The following ESR1 variants were observed in gnomAD, a reference collection of about 807,000 sequenced individuals.
ESR1 encodes the protein estrogen receptor 1.
ESR1 carries 12 observed loss-of-function variants against 52.7 expected under a neutral mutation model. The observed-to-expected ratio is 0.23, with a 90% confidence interval of 0.15 to 0.37. The LOEUF is 0.37. Ranked by LOEUF, ESR1 falls within the 10% of genes least tolerant of loss-of-function variation. The pLI, the probability that ESR1 is intolerant of heterozygous loss-of-function variation, is 1.00. For missense variants in ESR1, 584 were observed against 779.7 expected (o/e 0.75, Z 2.99); for synonymous variants, 305 against 316.8 (o/e 0.96, Z 0.39).
chr6:151,807,699 C>G lies in ESR1; in HGVS notation c.-214C>G. 3.3e-6 allele frequency: 2 copies of G among 614,060 alleles called. No homozygotes were observed. The highest frequency in any genetic ancestry group is 5.8e-6 in the Non-Finnish European group (2 of 344,798). The allele number at this position is 614,060 out of a possible 1,614,324, so 38.0% of individuals were successfully genotyped here. On this transcript the variant is annotated 5_prime_UTR_variant, in exon 1 of 8. Coordinates refer to ENST00000206249, the MANE Select transcript of ESR1 (RefSeq NM_000125.4). ...AGCCCAGGAGCTGGCGGAGGGCGTT[C>G]GTCCTGGGACTGCACTTGCTCCCGT...
intron 2 of ESR1, among the ~76,000 whole-genome samples, chr6:151,875,580 A>G (rs1791668556): frequency 6.6e-6 from 1 of 152,136 alleles, no homozygotes; most frequent in Non-Finnish European, 1.5e-5. Context: ...GTTAAAACCC[A>G]ACATAGTAAG....
chr6:151,909,397 ACCTTAGG>A (rs1346978754), intron 3 of ESR1, among the ~76,000 whole-genome samples: 2 of 152,206 alleles, frequency 1.3e-5, no homozygotes, highest in Admixed American at 1.3e-4. Flanking sequence ...ACTCTAGAGC[ACCTTAGG>A]CCACAGGACA....
chr6:152,069,393 A>C lies in ESR1; in HGVS notation c.1369+8269A>C, dbSNP rs1452423839. The stretch of plus-strand genomic sequence containing the variant: ...ATGCAGGATCTGAAAAATATCTCAA[A>C]ATGGCAAACTTGAGGGGTTTTTTTT... On this transcript the variant is annotated intron_variant, in intron 6 of 7. Coordinates refer to ENST00000206249, the MANE Select transcript of ESR1 (RefSeq NM_000125.4). Among the ~76,000 whole-genome samples the C allele has an allele frequency of 4.4e-5, 6 of 136,376 alleles. 1 individual carries two copies. The highest frequency in any genetic ancestry group is 9.0e-5 in the Non-Finnish European group (6 of 66,544). 89.5% of individuals were successfully genotyped at this position (136,376 alleles called of 152,430 possible). A position where few individuals can be genotyped will look rare whatever the true frequency, so the allele number is the denominator to read the frequency against.
At chr6:152,091,775 CAT>C (rs1482586369) in intron 6 of ESR1, among the ~76,000 whole-genome samples, 1 of 152,186 alleles carries the variant, frequency 6.6e-6, no homozygotes, top group Admixed American at 6.5e-5. Context: ...GAGAGGCACA[CAT>C]GTCACCTTTC....
intron 2 of ESR1, among the ~76,000 whole-genome samples, chr6:151,788,886 A>G (rs1298380403): frequency 1.3e-5 from 2 of 152,186 alleles, no homozygotes; most frequent in Admixed American, 6.5e-5. Context: ...CTCACTTGTA[A>G]GTGGGAGCTA....
chr6:152,045,720 G>T (rs1584984744), intron 5 of ESR1, among the ~76,000 whole-genome samples: 1 of 151,560 alleles, frequency 6.6e-6, no homozygotes, highest in South Asian at 2.1e-4. Flanking sequence ...TATTACTATT[G>T]TTAGTGTTGG....
upstream of ESR1, among the ~76,000 whole-genome samples, chr6:151,687,454 G>A (rs1778734599): frequency 6.6e-6 from 1 of 152,156 alleles, no homozygotes; most frequent in African/African-American, 2.4e-5. Flanking sequence ...GTGCCCAGTG[G>A]GAACATCTTT....
At chr6:151,908,913 A>G (rs1327366282) in intron 3 of ESR1, among the ~76,000 whole-genome samples, 1 of 151,554 alleles carries the variant, frequency 6.6e-6, no homozygotes, top group Admixed American at 6.6e-5. Context: ...TCCCACTGCC[A>G]TCAGGTTTTG....
At chr6:152,054,114 G>C (rs1038492365) in intron 5 of ESR1, among the ~76,000 whole-genome samples, 21 of 151,924 alleles carry the variant, frequency 1.4e-4, no homozygotes, top group Admixed American at 1.3e-3. Flanking sequence ...ATTTAGCGCT[G>C]TCCCTCTCTC....
intron 4 of ESR1, among the ~76,000 whole-genome samples, chr6:151,979,431 T>C (rs1286199590): frequency 6.6e-6 from 1 of 152,216 alleles, no homozygotes; most frequent in Non-Finnish European, 1.5e-5. Context: ...TCCTTTATTA[T>C]TTTATTGATG....
intron 5 of ESR1, among the ~76,000 whole-genome samples, chr6:152,044,977 T>G (rs1258706424): frequency 6.6e-6 from 1 of 152,222 alleles, no homozygotes; most frequent in African/African-American, 2.4e-5. Flanking sequence ...TCATTGCTGT[T>G]ATCTGAGAGT....
downstream of ESR1, among the ~76,000 whole-genome samples, chr6:152,103,794 C>A (rs899894518): frequency 2.0e-5 from 3 of 152,042 alleles, no homozygotes; most frequent in Non-Finnish European, 2.9e-5. Context: ...ACAATTGGTC[C>A]ACCCCCACCC....
In ESR1 at chr6:151,726,714, A is replaced by G. The variant is rs565032668; in HGVS notation, c.-71+24709A>G. ...ATAGATTTTTGCATATTGTCCATGTATCTGCCAAACTTGCTAATTTAACTT... is the reference window on the plus strand; with the variant it reads ...ATAGATTTTTGCATATTGTCCATGTGTCTGCCAAACTTGCTAATTTAACTT... On this transcript the variant is annotated intron_variant, in intron 2 of 2. Coordinates refer to the ESR1 transcript ENST00000404742. Among the ~76,000 whole-genome samples the G allele has an allele frequency of 1.1e-4, 17 of 152,342 alleles. No individual in the cohort carries two copies. In the South Asian group the frequency reaches 3.3e-3, roughly 30 times the overall value.
chr6:151,979,619 C>A (rs1370369443), intron 4 of ESR1, among the ~76,000 whole-genome samples: 1 of 152,058 alleles, frequency 6.6e-6, no homozygotes, highest in Non-Finnish European at 1.5e-5. Flanking sequence ...GAGTGTGGAA[C>A]CTGCTTTAAT....
chr6:151,746,529 G>A (rs147276583), intron 2 of ESR1, among the ~76,000 whole-genome samples: 22 of 152,258 alleles, frequency 1.4e-4, no homozygotes, highest in Non-Finnish European at 2.6e-4. Context: ...ACAGGGAAAA[G>A]GCATCAATCA....
intron 2 of ESR1, among the ~76,000 whole-genome samples, chr6:151,855,775 G>A (rs1266839191): frequency 6.6e-6 from 1 of 152,144 alleles, no homozygotes; most frequent in African/African-American, 2.4e-5. Context: ...AATGGTATGA[G>A]TTCAGAGGCA....
At chr6:152,003,587 AGTAGT>A (rs1172959595) in intron 4 of ESR1, among the ~76,000 whole-genome samples, 1 of 151,918 alleles carries the variant, frequency 6.6e-6, no homozygotes, top group Non-Finnish European at 1.5e-5. Flanking sequence ...GAAGTTTGTA[AGTAGT>A]GTCATCATTC....
At chr6:151,925,071 C>A (rs1157910825) in intron 3 of ESR1, among the ~76,000 whole-genome samples, 1 of 152,024 alleles carries the variant, frequency 6.6e-6, no homozygotes, top group African/African-American at 2.4e-5. Context: ...ATTTACACTC[C>A]CACCAGCAGT....
In ESR1 at chr6:151,742,111, T is replaced by G. The variant is rs117812006; in HGVS notation, c.-71+40106T>G. Among the ~76,000 whole-genome samples, 1,183 of 152,316 alleles carry G rather than the reference T, an allele frequency of 7.8e-3. 12 individuals carry two copies. Among genetic ancestry groups the G allele is most frequent in the Admixed American group, 0.013 (200 of 15,286 alleles). On this transcript the variant is annotated intron_variant, in intron 2 of 2. Coordinates refer to the ESR1 transcript ENST00000404742. The stretch of plus-strand genomic sequence containing the variant: ...CCATGTTGTGGCAAATGGCAAGATC[T>G]CATTCGTTTTTAAGGCTGAATAATA...
Sources: allele counts gnomAD v4.1 joint callset (sites outside exome capture counted in the v4.1 genomes callset), GRCh38; gene constraint gnomAD v4.1.1; transcripts MANE v1.5; gene names NCBI Gene and HGNC (gene_info 2026-07-23, HGNC 2026-07-21).